Variants in CNTN5 observed in about 807,000 individuals in gnomAD.
CNTN5 encodes the protein contactin-5.
CNTN5 carries 77 observed loss-of-function variants against 129.1 expected under a neutral mutation model. That is an observed-to-expected ratio of 0.60 (90% confidence interval 0.50 to 0.72). The LOEUF is 0.72. Ranked by LOEUF, CNTN5 falls within the 30% of genes least tolerant of loss-of-function variation. The pLI is 0.00. For synonymous variants in CNTN5, 509 were observed against 465.6 expected (o/e 1.09, Z -1.20); for missense variants, 1,478 against 1,328.8 (o/e 1.11, Z -1.75).
At chr11:99,846,961 A>G (rs1947718855) in intron 6 of CNTN5, among the ~76,000 whole-genome samples, 1 of 152,214 alleles carries the variant, frequency 6.6e-6, no homozygotes, top group Non-Finnish European at 1.5e-5. Flanking sequence ...CACAGAACCT[A>G]ATACTTTACA....
At position 100,341,106 on chromosome 11, in the gene CNTN5, A is replaced by G. The variant is rs1393190222; in HGVS notation, c.2931A>G (p.Ala977=). The change falls in exon 23 of 25, where the codon GCA becomes GCG. Residue 977 remains alanine (A), a synonymous_variant. Transcript: ENST00000524871. The part of the protein sequence containing the change: ...ATTKKSPPSQ[A]PSNLRWEQQG... ...TTTATTTTGCAGCTCCTAGTCAAGC[A>G]CCTAGCAACCTCAGGTGGGAGCAGC... is the stretch of plus-strand genomic sequence containing the variant. The G allele has an allele frequency of 6.2e-7, 1 of 1,613,296 alleles. No individual in the cohort carries two copies. The highest frequency in any genetic ancestry group is 1.1e-5 in the South Asian group (1 of 91,070).
intron 1 of CNTN5, among the ~76,000 whole-genome samples, chr11:99,023,178 C>G (rs1862961169): frequency 1.3e-5 from 2 of 152,044 alleles, no homozygotes; most frequent in African/African-American, 4.8e-5. Context: ...AGTCAGGGAG[C>G]CAACCTGAAA....
chr11:99,598,459 T>G (rs1950213545), intron 3 of CNTN5, among the ~76,000 whole-genome samples: 1 of 137,964 alleles, frequency 7.2e-6, no homozygotes, highest in South Asian at 2.8e-4. Context: ...CCTTCCTTCC[T>G]TTTTCCCTTC....
At chr11:100,005,282 A>G (rs1940123772) in intron 9 of CNTN5, among the ~76,000 whole-genome samples, 1 of 152,068 alleles carries the variant, frequency 6.6e-6, no homozygotes, top group Non-Finnish European at 1.5e-5. Context: ...CCACAAATAC[A>G]TCATGTATAC....
intron 2 of CNTN5, among the ~76,000 whole-genome samples, chr11:99,479,544 A>G (rs552411973): frequency 6.6e-6 from 1 of 152,158 alleles, no homozygotes; most frequent in Non-Finnish European, 1.5e-5. Context: ...AAATAATCTA[A>G]TTATAAATAA....
At chr11:99,323,962 A>G (rs1865676756) in intron 1 of CNTN5, among the ~76,000 whole-genome samples, 2 of 152,184 alleles carry the variant, frequency 1.3e-5, no homozygotes, top group Admixed American at 1.3e-4. Flanking sequence ...GAAGACAAAA[A>G]GGAATCTATA....
At chr11:99,032,623 T>A (rs550150389) in intron 1 of CNTN5, among the ~76,000 whole-genome samples, 1 of 152,286 alleles carries the variant, frequency 6.6e-6, no homozygotes, top group South Asian at 2.1e-4. Flanking sequence ...TGTTTGTTTT[T>A]TTCTTGTAAA....
intron 3 of CNTN5, among the ~76,000 whole-genome samples, chr11:99,726,972 T>C (rs986334999): frequency 6.6e-6 from 1 of 152,180 alleles, no homozygotes; most frequent in Non-Finnish European, 1.5e-5. Context: ...AGTCTAGTTT[T>C]TGTTCTACAA....
At chr11:99,940,123 A>G (rs1950402765) in intron 7 of CNTN5, among the ~76,000 whole-genome samples, 1 of 152,090 alleles carries the variant, frequency 6.6e-6, no homozygotes, top group Non-Finnish European at 1.5e-5. Context: ...TAGTGGGTGA[A>G]GGTCAGTGAC....
chr11:99,943,714 G>A (rs1187218735), intron 7 of CNTN5, among the ~76,000 whole-genome samples: 1 of 152,060 alleles, frequency 6.6e-6, no homozygotes, highest in Non-Finnish European at 1.5e-5. Flanking sequence ...TTATGTACAA[G>A]GTGTAAGGAA....
intron 3 of CNTN5, among the ~76,000 whole-genome samples, chr11:99,809,835 C>G (rs1054920236): frequency 6.6e-6 from 1 of 152,016 alleles, no homozygotes; most frequent in Admixed American, 6.6e-5. Flanking sequence ...CTATCTTAAA[C>G]ACACAGAGAA....
intron 2 of CNTN5, among the ~76,000 whole-genome samples, chr11:99,472,195 G>T (rs1945203493): frequency 6.6e-6 from 1 of 152,050 alleles, no homozygotes; most frequent in Non-Finnish European, 1.5e-5. Context: ...GTAAAATTTG[G>T]AAATTAAGTC....
At chr11:99,736,791 C>T (rs1183897499) in intron 3 of CNTN5, among the ~76,000 whole-genome samples, 2 of 151,940 alleles carry the variant, frequency 1.3e-5, no homozygotes, top group Admixed American at 6.6e-5. Flanking sequence ...AATACCTACT[C>T]AAAGTAATTA....
intron 6 of CNTN5, among the ~76,000 whole-genome samples, chr11:99,846,503 T>C (rs1947703686): frequency 6.6e-6 from 1 of 152,050 alleles, no homozygotes; most frequent in African/African-American, 2.4e-5. Context: ...TTATTATTCC[T>C]TAATAAGTAA....
At chr11:99,166,188 A>G (rs10750206) in intron 1 of CNTN5, among the ~76,000 whole-genome samples, 101,921 of 151,444 alleles carry the variant, frequency 0.67, 34,645 homozygotes, top group East Asian at 0.94. Flanking sequence ...TGGATCACAA[A>G]TCAGGAGATC....
chr11:99,279,004 T>A (rs561228639), intron 1 of CNTN5, among the ~76,000 whole-genome samples: 4 of 151,636 alleles, frequency 2.6e-5, no homozygotes, highest in Non-Finnish European at 5.9e-5. Flanking sequence ...TAATGTCAAG[T>A]GAAAATATTG....
rs66824133 is a variant in CNTN5 at position 100,318,242 on chromosome 11, GAA to G, written c.2730+9795_2730+9796del. On this transcript the variant is annotated intron_variant, in intron 21 of 24. Coordinates refer to ENST00000524871, the MANE Select transcript of CNTN5 (RefSeq NM_014361.4). ...GGCAATAGAGCGAGACTCTGTCTCA[GAA>G]AAAAAAAAAAAAAAAAAAAAGTCTC... Among the ~76,000 whole-genome samples the G allele has an allele frequency of 2.6e-3, 196 of 76,726 alleles. 2 individuals are homozygous for G. The highest frequency in any genetic ancestry group is 9.8e-3 in the Middle Eastern group (1 of 102). The allele number at this position is 76,726 out of a possible 152,430, so 50.3% of individuals were successfully genotyped here.
At chr11:100,029,823 T>G (rs150546276) in intron 9 of CNTN5, among the ~76,000 whole-genome samples, 1 of 152,276 alleles carries the variant, frequency 6.6e-6, no homozygotes, top group African/African-American at 2.4e-5. Flanking sequence ...TGGGAATGAA[T>G]CTTTACAGCC....
At chr11:99,682,551 C>T in intron 3 of CNTN5, among the ~76,000 whole-genome samples, 1 of 151,842 alleles carries the variant, frequency 6.6e-6, no homozygotes, top group African/African-American at 2.4e-5. Context: ...CATTGAGAAA[C>T]ACAGTAAACA....
Sources: allele counts gnomAD v4.1 joint callset (sites outside exome capture counted in the v4.1 genomes callset), GRCh38; gene constraint gnomAD v4.1.1; transcripts MANE v1.5; gene names NCBI Gene and HGNC (gene_info 2026-07-23, HGNC 2026-07-21).